Variants in SPMIP2 observed in about 807,000 individuals in gnomAD.
The protein encoded by SPMIP2 is protein SPMIP2.
the SPMIP2 span, among the ~76,000 whole-genome samples, chr4:159,053,008 G>A: frequency 0.032 from 4,434 of 139,400 alleles, 259 homozygotes; most frequent in African/African-American, 0.11. Flanking sequence ...CCAGGCTGGA[G>A]TGCAGTGGCG....
chr4:158,972,996 G>A, the SPMIP2 span: 29 of 925,470 alleles, frequency 3.1e-5, no homozygotes, highest in South Asian at 4.2e-4. Flanking sequence ...TCAAGCACCC[G>A]ACATTTCCTT....
chr4:159,022,387 A>T, the SPMIP2 span, among the ~76,000 whole-genome samples: 8 of 152,220 alleles, frequency 5.3e-5, no homozygotes, highest in Non-Finnish European at 8.8e-5. Flanking sequence ...TAATAAAATT[A>T]AAAGTATGTT....
the SPMIP2 span, among the ~76,000 whole-genome samples, chr4:158,930,114 T>C: frequency 2.0e-5 from 3 of 152,164 alleles, no homozygotes; most frequent in African/African-American, 7.2e-5. Context: ...TTTTAGCACT[T>C]TGAATATGTC....
chr4:158,926,080 G>A, the SPMIP2 span, among the ~76,000 whole-genome samples: 1 of 152,106 alleles, frequency 6.6e-6, no homozygotes, highest in Non-Finnish European at 1.5e-5. Flanking sequence ...ATATTGAGGG[G>A]ACATAAACAT....
At chr4:158,904,599 A>G in the SPMIP2 span, 2 of 1,430,590 alleles carry the variant, frequency 1.4e-6, no homozygotes, top group South Asian at 1.1e-5. Context: ...TCTCAACTGA[A>G]GGAGAAAGGA....
chr4:158,914,553 T>C, the SPMIP2 span, among the ~76,000 whole-genome samples: 1 of 152,224 alleles, frequency 6.6e-6, no homozygotes, highest in Non-Finnish European at 1.5e-5. Context: ...ACTGGACGCC[T>C]GCAAAGTTCA....
chr4:159,049,863 T>A, the SPMIP2 span, among the ~76,000 whole-genome samples: 1 of 152,200 alleles, frequency 6.6e-6, no homozygotes, highest in Non-Finnish European at 1.5e-5. Flanking sequence ...AGAGCTCAAA[T>A]ATATACTGCA....
chr4:158,956,195 C>T, the SPMIP2 span, among the ~76,000 whole-genome samples: 34,697 of 152,224 alleles, frequency 0.23, 4,388 homozygotes, highest in Non-Finnish European at 0.29. Flanking sequence ...AGGCTCAGTC[C>T]CTTTCATTTC....
At chr4:158,906,806 A>AG in the SPMIP2 span, 1 of 152,120 alleles carries the variant, frequency 6.6e-6, no homozygotes, top group Non-Finnish European at 1.5e-5. Context: ...AAAGCAAAAA[A>AG]GAAAAAAAAA....
chr4:159,056,218 C>G, the SPMIP2 span, among the ~76,000 whole-genome samples: 1 of 152,176 alleles, frequency 6.6e-6, no homozygotes, highest in African/African-American at 2.4e-5. Flanking sequence ...GCTTACATCC[C>G]AAAACAGACA....
At chr4:158,903,640 T>G in the SPMIP2 span, among the ~76,000 whole-genome samples, 6 of 152,184 alleles carry the variant, frequency 3.9e-5, no homozygotes, top group Admixed American at 6.5e-5. Flanking sequence ...CCAGTAGCAC[T>G]AAAAGTACTA....
the SPMIP2 span, among the ~76,000 whole-genome samples, chr4:158,911,212 C>G: frequency 6.6e-6 from 1 of 152,042 alleles, no homozygotes; most frequent in Non-Finnish European, 1.5e-5. Flanking sequence ...CGCGGTGGCT[C>G]ATTCCAGTGC....
chr4:158,917,418 G>A, the SPMIP2 span, among the ~76,000 whole-genome samples: 12 of 151,546 alleles, frequency 7.9e-5, no homozygotes, highest in East Asian at 2.0e-3. Context: ...CAGAGCAGGG[G>A]GAAAAAAAAA....
chr4:158,969,096 C>T, the SPMIP2 span, among the ~76,000 whole-genome samples: 1 of 152,112 alleles, frequency 6.6e-6, no homozygotes, highest in African/African-American at 2.4e-5. Flanking sequence ...GGGTCACACC[C>T]ATGAAAAGTG....
the SPMIP2 span, chr4:159,038,612 A>G: frequency 1.3e-5 from 2 of 152,326 alleles, no homozygotes; most frequent in Non-Finnish European, 2.9e-5. Flanking sequence ...CTGATTTCCC[A>G]GAGTCATGGG....
the SPMIP2 span, among the ~76,000 whole-genome samples, chr4:159,077,829 G>A: frequency 6.6e-6 from 1 of 152,086 alleles, no homozygotes; most frequent in Admixed American, 6.6e-5. Context: ...GAAAACAGAA[G>A]CTTTCAATTT....
chr4:158,993,561 C>A, the SPMIP2 span, among the ~76,000 whole-genome samples: 1 of 151,834 alleles, frequency 6.6e-6, no homozygotes, highest in Non-Finnish European at 1.5e-5. Context: ...TTCATTTATT[C>A]TTTCACTGAT....
the SPMIP2 span, among the ~76,000 whole-genome samples, chr4:159,051,996 T>C: frequency 6.6e-6 from 1 of 151,736 alleles, no homozygotes; most frequent in Non-Finnish European, 1.5e-5. Context: ...ACTATCAAGC[T>C]CACTGGAATT....
the SPMIP2 span, among the ~76,000 whole-genome samples, chr4:158,997,267 G>A: frequency 7.9e-6 from 1 of 125,874 alleles, no homozygotes; most frequent in Admixed American, 9.2e-5. Flanking sequence ...CTTCGCTCTT[G>A]TTGCCCAGGC....
Sources: gnomAD v4.1 joint callset for allele counts (sites outside exome capture counted in the v4.1 genomes callset) on GRCh38, gnomAD v4.1.1 for gene constraint, MANE v1.5 for transcripts, NCBI Gene and HGNC (gene_info 2026-07-23, HGNC 2026-07-21) for gene names.